Variants in MYO6 observed in about 807,000 individuals in gnomAD.
The protein encoded by MYO6 is myosin VI.
A neutral mutation model predicts 178.7 loss-of-function variants in MYO6; 74 were observed. That is an observed-to-expected ratio of 0.41 (90% confidence interval 0.34 to 0.50). The LOEUF (loss-of-function observed/expected upper bound fraction) is 0.50. Ranked by LOEUF, MYO6 falls within the 20% of genes least tolerant of loss-of-function variation. The probability of loss-of-function intolerance (pLI) is 0.09; values close to 1 mark genes in which losing one functional copy is unlikely to be tolerated. For missense variants in MYO6, 1,330 were observed against 1,547.4 expected (o/e 0.86, Z 2.36); for synonymous variants, 477 against 504.6 (o/e 0.95, Z 0.73).
At chr6:75,794,175 G>T (rs931445028) in intron 1 of MYO6, among the ~76,000 whole-genome samples, 4 of 152,248 alleles carry the variant, frequency 2.6e-5, no homozygotes, top group Middle Eastern at 3.4e-3. Flanking sequence ...AGAGGCAAGA[G>T]TAAGAGTGGC....
chr6:75,850,615 T>G (rs960008153), intron 11 of MYO6, among the ~76,000 whole-genome samples: 4 of 152,248 alleles, frequency 2.6e-5, no homozygotes, highest in African/African-American at 9.6e-5. Flanking sequence ...ATCAATAATG[T>G]GAGATGCAAC....
chr6:75,789,567 C>CT (rs963537796), intron 1 of MYO6, among the ~76,000 whole-genome samples: 50 of 151,086 alleles, frequency 3.3e-4, no homozygotes, highest in Middle Eastern at 6.9e-3. Context: ...CTCTCCACCT[C>CT]TTTTTTTTTG....
intron 32 of MYO6, among the ~76,000 whole-genome samples, chr6:75,910,875 T>C (rs1457250591): frequency 6.6e-6 from 1 of 152,116 alleles, no homozygotes; most frequent in South Asian, 2.1e-4. Flanking sequence ...TGTAGTCTAA[T>C]ATTTAGAAGG....
In MYO6 at chr6:75,914,998, A is replaced by G. The variant is rs375152932; in HGVS notation, c.3844A>G (p.Ser1282Gly). The G allele has an allele frequency of 2.9e-5, 47 of 1,612,560 alleles. No individual in the cohort carries two copies. Among genetic ancestry groups the G allele is most frequent in the Non-Finnish European group, 2.8e-5 (33 of 1,179,708 alleles). ...CACCTATGCAACAGCCATGCTGCAG[A>G]GTCTGTTAAAGTAGATGTTGCACAC... is the stretch of plus-strand genomic sequence containing the variant. ...RPTYATAMLQ[S>G]LLK The change falls in exon 35 of 35, where the codon AGT (serine) becomes GGT (glycine). Residue 1282 changes from serine (S) to glycine (G), a missense_variant. Coordinates refer to ENST00000369977, the MANE Select transcript of MYO6 (RefSeq NM_004999.4).
chr6:75,904,772 G>A (rs1301802346), intron 30 of MYO6, among the ~76,000 whole-genome samples: 1 of 152,208 alleles, frequency 6.6e-6, no homozygotes, highest in Non-Finnish European at 1.5e-5. Flanking sequence ...GGCTGGTGAG[G>A]AACTGTGTTC....
At chr6:75,827,922 C>G (rs1467966620) in intron 3 of MYO6, among the ~76,000 whole-genome samples, 1 of 152,130 alleles carries the variant, frequency 6.6e-6, no homozygotes, top group Non-Finnish European at 1.5e-5. Flanking sequence ...AAATGGAGCT[C>G]AGGAGATTGA....
At chr6:75,780,523 A>G (rs964196805) in intron 1 of MYO6, among the ~76,000 whole-genome samples, 1 of 152,366 alleles carries the variant, frequency 6.6e-6, no homozygotes, top group South Asian at 2.1e-4. Context: ...TATAGAGACA[A>G]CATAAGGTAT....
chr6:75,867,270 G>GTAAT (rs1240988808), intron 18 of MYO6, among the ~76,000 whole-genome samples, 165 bp downstream of exon 18: 16 of 152,194 alleles, frequency 1.1e-4, no homozygotes, highest in African/African-American at 3.9e-4. Context: ...TGTAGGCCTA[G>GTAAT]TAATTGAACA....
chr6:75,848,608 C>G (rs1774959075), intron 11 of MYO6, 77 bp downstream of exon 11: 13 of 1,435,994 alleles, frequency 9.1e-6, no homozygotes, highest in Admixed American at 1.9e-5. Flanking sequence ...AAAATTGTCT[C>G]TTTATATGCA....
At chr6:75,855,671 A>G (rs1775668734) in intron 12 of MYO6, among the ~76,000 whole-genome samples, 1 of 152,174 alleles carries the variant, frequency 6.6e-6, no homozygotes, top group African/African-American at 2.4e-5. Flanking sequence ...CACTTTCCTT[A>G]TGTTTAGGAT....
intron 3 of MYO6, among the ~76,000 whole-genome samples, chr6:75,827,706 G>GTA (rs1383154870): frequency 6.6e-6 from 1 of 152,218 alleles, no homozygotes; most frequent in African/African-American, 2.4e-5. Context: ...TATGCTTTGA[G>GTA]TACCTGCCAT....
intron 19 of MYO6, among the ~76,000 whole-genome samples, chr6:75,872,128 CAAAAAT>C (rs567217878): frequency 6.1e-4 from 93 of 151,458 alleles, no homozygotes; most frequent in Non-Finnish European, 1.0e-3. Context: ...GACTCTCTCT[CAAAAAT>C]AAAAATAAAA....
intron 1 of MYO6, among the ~76,000 whole-genome samples, chr6:75,752,608 C>G (rs930211954): frequency 6.6e-6 from 1 of 152,154 alleles, no homozygotes; most frequent in African/African-American, 2.4e-5. Context: ...ACCGGCAAAA[C>G]TGGTATTATG....
chr6:75,887,947 C>G (rs965036091), intron 25 of MYO6, among the ~76,000 whole-genome samples: 10 of 151,724 alleles, frequency 6.6e-5, no homozygotes, highest in African/African-American at 2.4e-4. Context: ...CCACTGCACT[C>G]CAGCCTGGGT....
At chr6:75,780,194 A>G (rs771992977) in intron 1 of MYO6, among the ~76,000 whole-genome samples, 10 of 152,208 alleles carry the variant, frequency 6.6e-5, no homozygotes, top group Non-Finnish European at 1.3e-4. Flanking sequence ...TAATCCCAGC[A>G]TTTTGGGAGG....
intron 25 of MYO6, among the ~76,000 whole-genome samples, chr6:75,889,670 C>T (rs1302714893): frequency 6.6e-6 from 1 of 152,168 alleles, no homozygotes; most frequent in Non-Finnish European, 1.5e-5. Flanking sequence ...ACCTTGGCCT[C>T]CCAAAGGGCT....
intron 10 of MYO6, among the ~76,000 whole-genome samples, chr6:75,847,985 T>C (rs1432740518): frequency 1.3e-5 from 2 of 152,130 alleles, no homozygotes; most frequent in African/African-American, 4.8e-5. Context: ...AAAACTGTAA[T>C]GTTGATTCAA....
intron 10 of MYO6, 72 bp from the exon 11 acceptor site, chr6:75,848,279 G>T: frequency 7.4e-7 from 1 of 1,356,006 alleles, no homozygotes; most frequent in South Asian, 1.2e-5. Context: ...TGCATTAATT[G>T]ACCTGGTGTA....
At chr6:75,877,254 T>G (rs1385121307) in intron 20 of MYO6, among the ~76,000 whole-genome samples, 1 of 151,702 alleles carries the variant, frequency 6.6e-6, no homozygotes, top group Non-Finnish European at 1.5e-5. Flanking sequence ...ATTACAGGCA[T>G]GAGCCACCGC....
Sources: gnomAD v4.1 joint callset for allele counts (sites outside exome capture counted in the v4.1 genomes callset) on GRCh38, gnomAD v4.1.1 for gene constraint, MANE v1.5 for transcripts, NCBI Gene and HGNC (gene_info 2026-07-23, HGNC 2026-07-21) for gene names.